ZNF468: variants seen among roughly 807,000 people sequenced by gnomAD.
The protein encoded by ZNF468 is zinc finger protein 468.
ZNF468 carries 8 observed loss-of-function variants against 7.2 expected under a neutral mutation model. That is an observed-to-expected ratio of 1.11 (90% CI 0.65 to 2.01). The LOEUF (loss-of-function observed/expected upper bound fraction) is 2.01. Ranked by LOEUF, ZNF468 falls within the 30% of genes most tolerant of loss-of-function variation. The probability of loss-of-function intolerance (pLI) is 0.00; values close to 1 mark genes in which losing one functional copy is unlikely to be tolerated. For synonymous variants in ZNF468, 218 were observed against 214.4 expected, an observed-to-expected ratio of 1.02 and a Z score of -0.15; for missense variants, 608 against 626.5, an observed-to-expected ratio of 0.97 and a Z score of 0.31.
intron 3 of ZNF468, among the ~76,000 whole-genome samples, chr19:52,844,616 G>A (rs8111632): frequency 0.038 from 5,810 of 152,074 alleles, 381 homozygotes; most frequent in African/African-American, 0.13. Context: ...TTGGCTCACT[G>A]CAACCTCCAC....
chr19:52,851,961 T>G (rs569321902), intron 2 of ZNF468, among the ~76,000 whole-genome samples: 1 of 152,246 alleles, frequency 6.6e-6, no homozygotes, highest in African/African-American at 2.4e-5. Flanking sequence ...TATTTATTTA[T>G]ATATAAAGGT....
chr19:52,854,783 G>C (rs1662877741), intron 1 of ZNF468, among the ~76,000 whole-genome samples: 2 of 152,010 alleles, frequency 1.3e-5, no homozygotes, highest in Admixed American at 1.3e-4. Context: ...CTAGCACTCT[G>C]AAAGGCCAAG....
chr19:52,840,045 C>A lies in ZNF468; in HGVS notation c.*680G>T. ...CACACTCATTGCACTTGTAAGGTTT[C>A]TCTCCAGTGTGAATTCTAGTATGGG... On this transcript the variant is annotated 3_prime_UTR_variant, in exon 4 of 4. Coordinates refer to ENST00000595646, the MANE Select transcript of ZNF468 (RefSeq NM_001008801.2). The A allele has an allele frequency of 7.8e-7, 1 of 1,277,170 alleles. No individual in the cohort carries two copies. The highest frequency in any genetic ancestry group is 1.4e-5 in the South Asian group (1 of 71,834). 79.1% of individuals were successfully genotyped at this position (1,277,170 alleles called of 1,614,324 possible). A position where few individuals can be genotyped will look rare whatever the true frequency, so the allele number is the denominator to read the frequency against.
chr19:52,842,168 C>G lies in ZNF468; in HGVS notation c.143-17G>C. Reference sequence around the variant, plus strand: ...AAGAGATATCTACAAAATTTAAACACCAATAGGTTTCCAATTAAGTACAGA... The same window carrying G: ...AAGAGATATCTACAAAATTTAAACAGCAATAGGTTTCCAATTAAGTACAGA... On this transcript the variant is annotated splice_polypyrimidine_tract_variant and intron_variant, in intron 3 of 3. Transcript: ENST00000595646. 3.8e-6 allele frequency: 6 copies of G among 1,559,698 alleles called. No homozygotes were observed. The highest frequency in any genetic ancestry group is 5.2e-6 in the Non-Finnish European group (6 of 1,152,480).
At chr19:52,851,496 G>C (rs2063389584) in intron 2 of ZNF468, among the ~76,000 whole-genome samples, 1 of 152,080 alleles carries the variant, frequency 6.6e-6, no homozygotes, top group African/African-American at 2.4e-5. Context: ...AAAACTGCTT[G>C]AACTGGGAAG....
In ZNF468 at chr19:52,840,624, G is replaced by A. The variant is rs1048280643; in HGVS notation, c.*101C>T. On this transcript the variant is annotated 3_prime_UTR_variant, in exon 4 of 4. Transcript: ENST00000595646. ...AGGTTGCTTTTTGATTAAAAACCTT[G>A]CCACATTCATTATGCTTGTAAGGTT... 37 of 1,578,332 alleles carry A rather than the reference G, an allele frequency of 2.3e-5. 1 individual carries two copies. In the African/African-American group the frequency reaches 4.3e-4, roughly 18 times the overall value.
chr19:52,841,812 C>A lies in ZNF468; in HGVS notation c.482G>T (p.Gly161Val). Residue 161 changes from glycine to valine, a missense_variant, in exon 4 of 4, where the codon GGT becomes GTT. Physicochemically the swap from Gly to Val is moderately radical, Grantham distance 109 (BLOSUM62 -3). Coordinates refer to ENST00000595646, the MANE Select transcript of ZNF468 (RefSeq NM_001008801.2). Reference sequence around the variant, plus strand: ...GTTGATAGACTTCTCAACTTGATTACCAATTTTCCCTTCAGACTGAAATAT... The same window carrying A: ...GTTGATAGACTTCTCAACTTGATTAACAATTTTCCCTTCAGACTGAAATAT... ...PHIFQSEGKI[G>V]NQVEKSINNA... is the part of the protein sequence containing the mutation. The A allele has an allele frequency of 6.2e-7, 1 of 1,614,048 alleles. No individual in the cohort carries two copies. The highest frequency in any genetic ancestry group is 8.5e-7 in the Non-Finnish European group (1 of 1,179,986).
chr19:52,853,091 G>C (rs112936368), intron 2 of ZNF468, among the ~76,000 whole-genome samples: 1 of 152,158 alleles, frequency 6.6e-6, no homozygotes, highest in Non-Finnish European at 1.5e-5. Flanking sequence ...TCCTGACCTT[G>C]TGATCCACCC....
intron 3 of ZNF468, 126 bp from the exon 4 acceptor site, chr19:52,842,277 T>C (rs2063310862): frequency 1.2e-6 from 1 of 839,390 alleles, no homozygotes; most frequent in Non-Finnish European, 1.7e-6. Context: ...CTTCAAAGTT[T>C]AGGAACACAA....
intron 3 of ZNF468, 42 bp downstream of exon 3, chr19:52,849,045 A>T: frequency 6.2e-7 from 1 of 1,605,094 alleles, no homozygotes; most frequent in Admixed American, 1.7e-5. Context: ...GAAAATGCAA[A>T]AATACACAAG....
chr19:52,850,731 C>A (rs1188851898), intron 2 of ZNF468, among the ~76,000 whole-genome samples: 1 of 145,302 alleles, frequency 6.9e-6, no homozygotes, highest in African/African-American at 2.6e-5. Flanking sequence ...AACCCCATCT[C>A]TACTAAAAAT....
At chr19:52,848,541 C>T (rs561009097) in intron 3 of ZNF468, among the ~76,000 whole-genome samples, 1 of 152,070 alleles carries the variant, frequency 6.6e-6, no homozygotes, top group Non-Finnish European at 1.5e-5. Flanking sequence ...TCTTTAAAGT[C>T]TGCCATAAGG....
At chr19:52,855,178 GA>G (rs66547173) in intron 1 of ZNF468, among the ~76,000 whole-genome samples, 19,381 of 128,014 alleles carry the variant, frequency 0.15, 1,059 homozygotes, top group African/African-American at 0.35. Context: ...GAGTCTGTTT[GA>G]AAAAAAAAAA....
At chr19:52,855,853 C>A (rs1235960309) in intron 1 of ZNF468, among the ~76,000 whole-genome samples, 2 of 152,238 alleles carry the variant, frequency 1.3e-5, no homozygotes, top group African/African-American at 2.4e-5. Context: ...TCTAGCCCTT[C>A]GTCGCAAAGA....
intron 2 of ZNF468, among the ~76,000 whole-genome samples, chr19:52,853,446 T>C (rs1329995883): frequency 6.6e-6 from 1 of 152,076 alleles, no homozygotes. Flanking sequence ...CCCAACACAC[T>C]GGGGGGCCGA....
chr19:52,849,576 G>A (rs2063368300), intron 2 of ZNF468: 2 of 257,090 alleles, frequency 7.8e-6, no homozygotes, highest in South Asian at 4.4e-5. Context: ...AGATGACAAC[G>A]TCCACAGTAA....
Position 52,839,961 on chromosome 19 carries a change from C to G in ZNF468, c.*764G>C, listed in dbSNP as rs973796578. 1 of 1,247,034 alleles carries G rather than the reference C, an allele frequency of 8.0e-7. No individual in the cohort carries two copies. The highest frequency in any genetic ancestry group is 1.1e-6 in the Non-Finnish European group (1 of 918,486). 77.2% of individuals were successfully genotyped at this position (1,247,034 alleles called of 1,614,324 possible). A position where few individuals can be genotyped will look rare whatever the true frequency, so the allele number is the denominator to read the frequency against. On this transcript the variant is annotated 3_prime_UTR_variant, in exon 4 of 4. Coordinates refer to ENST00000595646, the MANE Select transcript of ZNF468 (RefSeq NM_001008801.2). The stretch of plus-strand genomic sequence containing the variant: ...GACAATCATTACATTAGTCAAGTTT[C>G]CCTATACCATGGATTGCTTGATGGT...
intron 3 of ZNF468, among the ~76,000 whole-genome samples, chr19:52,846,775 G>A (rs2063344719): frequency 6.6e-6 from 1 of 152,144 alleles, no homozygotes; most frequent in South Asian, 2.1e-4. Flanking sequence ...TCCGAGGCAG[G>A]TGGATCACTT....
At chr19:52,845,843 A>G (rs1243447181) in intron 3 of ZNF468, among the ~76,000 whole-genome samples, 1 of 152,094 alleles carries the variant, frequency 6.6e-6, no homozygotes, top group Non-Finnish European at 1.5e-5. Context: ...TGTCTCTACT[A>G]AAACACAAAA....
Sources: gnomAD v4.1 joint callset for allele counts (sites outside exome capture counted in the v4.1 genomes callset) on GRCh38, gnomAD v4.1.1 for gene constraint, MANE v1.5 for transcripts, NCBI Gene and HGNC (gene_info 2026-07-23, HGNC 2026-07-21) for gene names.